Variants in GABARAPL1 observed in about 807,000 individuals in gnomAD.
GABARAPL1 encodes GABA type A receptor associated protein like 1.
A neutral mutation model predicts 14.5 loss-of-function variants in GABARAPL1; 4 were observed. The observed-to-expected ratio is 0.28, with a 90% CI of 0.14 to 0.63. GABARAPL1 has a LOEUF of 0.63. Among genes scored for constraint, GABARAPL1 ranks in the 30% least tolerant of loss-of-function variants. GABARAPL1 has a pLI of 0.84. For missense variants in GABARAPL1, 82 were observed against 139.2 expected (o/e 0.59, Z 2.07); for synonymous variants, 47 against 50.6 (o/e 0.93, Z 0.30).
intron 2 of GABARAPL1, 62 bp downstream of exon 2, chr12:10,218,203 C>T: frequency 1.1e-6 from 1 of 914,644 alleles, no homozygotes; most frequent in Admixed American, 1.7e-5. Context: ...ATCCTCATTA[C>T]ATGCATGAGA....
Position 10,213,100 on chromosome 12 carries a change from G to A in GABARAPL1, c.-30G>A. The A allele has an allele frequency of 7.0e-7, 1 of 1,421,426 alleles. No individual in the cohort carries two copies. Among genetic ancestry groups the A allele is most frequent in the Non-Finnish European group, 9.8e-7 (1 of 1,021,858 alleles). 88.1% of individuals were successfully genotyped at this position (1,421,426 alleles called of 1,614,324 possible). A position where few individuals can be genotyped will look rare whatever the true frequency, so the allele number is the denominator to read the frequency against. ...CAGCGGCGAAGGAGGCAGGCCCCGC[G>A]CGGGGATCTCGGAAGCCCTGCGGTG... On this transcript the variant is annotated 5_prime_UTR_variant, in exon 1 of 4. Coordinates refer to ENST00000266458, the MANE Select transcript of GABARAPL1 (RefSeq NM_031412.4).
intron 2 of GABARAPL1, among the ~76,000 whole-genome samples, chr12:10,218,497 C>T (rs1373959969): frequency 5.9e-5 from 9 of 151,930 alleles, no homozygotes; most frequent in South Asian, 2.1e-4. Context: ...GGTGTGAACC[C>T]GGGAGGCAGA....
At chr12:10,216,445 G>A (rs1324255954) in intron 1 of GABARAPL1, among the ~76,000 whole-genome samples, 1 of 150,324 alleles carries the variant, frequency 6.7e-6, no homozygotes, top group African/African-American at 2.4e-5. Flanking sequence ...ACAGCCACTA[G>A]AAGTACTCAT....
At chr12:10,214,067 A>T in intron 1 of GABARAPL1, 1 of 327,698 alleles carries the variant, frequency 3.1e-6, no homozygotes, top group African/African-American at 2.2e-5. Context: ...GTGTTTCTCT[A>T]ATGCAGGCTG....
At chr12:10,214,943 C>T (rs980997766) in intron 1 of GABARAPL1, among the ~76,000 whole-genome samples, 1 of 152,170 alleles carries the variant, frequency 6.6e-6, no homozygotes, top group Non-Finnish European at 1.5e-5. Context: ...TTTTCCTGCT[C>T]ATAGTTTGGT....
intron 1 of GABARAPL1, chr12:10,213,497 C>G: frequency 2.3e-6 from 1 of 433,016 alleles, no homozygotes; most frequent in Non-Finnish European, 4.3e-6. Flanking sequence ...CACACACGGT[C>G]TCAGCAGCTG....
chr12:10,214,880 AATAG>A (rs1364082333), intron 1 of GABARAPL1: 4 of 152,256 alleles, frequency 2.6e-5, no homozygotes, highest in Admixed American at 1.3e-4. Flanking sequence ...AAGTATTGGA[AATAG>A]ATAAATATTT....
intron 3 of GABARAPL1, chr12:10,221,187 GA>G (rs759520725): frequency 5.1e-6 from 5 of 976,964 alleles, no homozygotes; most frequent in Non-Finnish European, 6.1e-6. Flanking sequence ...CAGATAAAAT[GA>G]AATATAAAAT....
chr12:10,221,030 T>G, intron 3 of GABARAPL1: 3 of 985,316 alleles, frequency 3.0e-6, no homozygotes, highest in Non-Finnish European at 3.6e-6. Flanking sequence ...CTCTGCCAAC[T>G]GAAGGATTCT....
At chr12:10,221,319 T>C (rs1035833041) in intron 3 of GABARAPL1, 1 of 976,994 alleles carries the variant, frequency 1.0e-6, no homozygotes, top group Non-Finnish European at 1.2e-6. Context: ...AAGGACTTTA[T>C]TATTACTGAA....
At chr12:10,221,545 G>C in intron 3 of GABARAPL1, 1 of 611,138 alleles carries the variant, frequency 1.6e-6, no homozygotes, top group Non-Finnish European at 2.0e-6. Context: ...AGTGAGGACT[G>C]TGCCCTAGTC....
Position 10,213,002 on chromosome 12 carries a change from T to G in GABARAPL1, c.-128T>G. 24 of 568,482 alleles carry G rather than the reference T, an allele frequency of 4.2e-5. No individual in the cohort carries two copies. The highest frequency in any genetic ancestry group is 5.3e-5 in the Non-Finnish European group (16 of 300,338). 35.2% of individuals were successfully genotyped at this position (568,482 alleles called of 1,614,324 possible). A position where few individuals can be genotyped will look rare whatever the true frequency, so the allele number is the denominator to read the frequency against. ...CCCCTGCACACTCGGCCCAGCGCTG[T>G]TGCCCCCGGAGCGGACGTTTCTGCA... is the stretch of plus-strand genomic sequence containing the variant. On this transcript the variant is annotated 5_prime_UTR_variant, in exon 1 of 4. Coordinates refer to ENST00000266458, the MANE Select transcript of GABARAPL1 (RefSeq NM_031412.4).
intron 1 of GABARAPL1, among the ~76,000 whole-genome samples, chr12:10,215,338 C>T (rs1386987864): frequency 6.6e-6 from 1 of 152,130 alleles, no homozygotes; most frequent in Admixed American, 6.6e-5. Context: ...TGTGCTTGTG[C>T]CTTCAGAGAG....
intron 2 of GABARAPL1, 71 bp downstream of exon 2, chr12:10,218,212 G>C (rs1949101308): frequency 2.3e-6 from 2 of 863,364 alleles, no homozygotes; most frequent in Admixed American, 3.4e-5. Flanking sequence ...ACATGCATGA[G>C]ATTGTGAGAT....
rs1338081564 is a variant in GABARAPL1 at position 10,218,042 on chromosome 12, ACT to A, written c.91-17_91-16del. The A allele has an allele frequency of 6.7e-7, 1 of 1,482,862 alleles. No homozygotes were observed. The highest frequency in any genetic ancestry group is 9.4e-7 in the Non-Finnish European group (1 of 1,060,652). 91.9% of individuals were successfully genotyped at this position (1,482,862 alleles called of 1,614,324 possible). A position where few individuals can be genotyped will look rare whatever the true frequency, so the allele number is the denominator to read the frequency against. ...ATTGCCTTCTGTAGTTTTCATTCCT[ACT>A]CTCCTCCTCTTCTTCCAGGTGATTG... On this transcript the variant is annotated intron_variant, in intron 1 of 3. Transcript: ENST00000266458.
intron 3 of GABARAPL1, 175 bp downstream of exon 3, chr12:10,220,733 T>C: frequency 1.3e-6 from 2 of 1,524,058 alleles, no homozygotes; most frequent in Non-Finnish European, 1.8e-6. Context: ...CCTCTTGTTT[T>C]TTAGGGATTA....
Position 10,221,959 on chromosome 12 carries a change from G to C in GABARAPL1, c.*107G>C. On this transcript the variant is annotated 3_prime_UTR_variant, in exon 4 of 4. Transcript: ENST00000266458. ...TGGCTCCCACCGCAAGGAGACAGAA[G>C]GTGAAGACATCTAGAAACATTACAC... 1 of 893,214 alleles carries C rather than the reference G, an allele frequency of 1.1e-6. No individual in the cohort carries two copies. Among genetic ancestry groups the C allele is most frequent in the Non-Finnish European group, 1.8e-6 (1 of 544,394 alleles). 55.3% of individuals were successfully genotyped at this position (893,214 alleles called of 1,614,324 possible). A position where few individuals can be genotyped will look rare whatever the true frequency, so the allele number is the denominator to read the frequency against.
chr12:10,222,883 T>C lies in GABARAPL1; in HGVS notation c.*1031T>C, dbSNP rs551433979. ...CACTGCAGCTGCTAGTTAGAAAGGT[T>C]TGGAGGGATGACTTTTAGTAAATCA... On this transcript the variant is annotated 3_prime_UTR_variant, in exon 4 of 4. Transcript: ENST00000266458. 110 of 152,704 alleles carry C rather than the reference T, an allele frequency of 7.2e-4. 1 individual carries two copies. Among genetic ancestry groups the C allele is most frequent in the African/African-American group, 2.5e-3 (104 of 41,558 alleles). The allele number at this position is 152,704 out of a possible 1,614,324, so 9.5% of individuals were successfully genotyped here.
intron 1 of GABARAPL1, among the ~76,000 whole-genome samples, chr12:10,217,734 G>C (rs1223212183): frequency 6.6e-6 from 1 of 152,044 alleles, no homozygotes; most frequent in Non-Finnish European, 1.5e-5. Context: ...TCATCTCAAA[G>C]ATAAATAATA....
Sources: allele counts gnomAD v4.1 joint callset (sites outside exome capture counted in the v4.1 genomes callset), GRCh38; gene constraint gnomAD v4.1.1; transcripts MANE v1.5; gene names NCBI Gene and HGNC (gene_info 2026-07-23, HGNC 2026-07-21).